Variants in RCHY1 observed in about 807,000 individuals in gnomAD.
RCHY1 encodes the protein ring finger and CHY zinc finger domain containing 1, also known as RING finger and CHY zinc finger domain-containing protein 1.
A neutral mutation model predicts 41.6 loss-of-function variants in RCHY1; 21 were observed. The ratio of observed to expected loss-of-function variants is 0.51; its 90% confidence interval spans 0.36 to 0.73. The LOEUF (loss-of-function observed/expected upper bound fraction) is 0.73, where lower values mean the gene tolerates loss of function less well. Among genes scored for constraint, RCHY1 ranks in the 30% least tolerant of loss-of-function variants. The pLI, the probability that RCHY1 is intolerant of heterozygous loss-of-function variation, is 0.00. For synonymous variants in RCHY1, 79 were observed against 102.9 expected, an observed-to-expected ratio of 0.77 and a Z score of 1.41; for missense variants, 265 against 325.3, an observed-to-expected ratio of 0.81 and a Z score of 1.43.
At chr4:75,494,946 T>C (rs2148735629) in intron 3 of RCHY1, among the ~76,000 whole-genome samples, 1 of 152,084 alleles carries the variant, frequency 6.6e-6, no homozygotes, top group African/African-American at 2.4e-5. Flanking sequence ...ACTACTTGGA[T>C]TTCTCTGTGG....
chr4:75,511,111 T>C (rs1461218001), intron 1 of RCHY1, among the ~76,000 whole-genome samples: 1 of 152,232 alleles, frequency 6.6e-6, no homozygotes, highest in Non-Finnish European at 1.5e-5. Context: ...CATTAAAATC[T>C]ATTGCTCTAT....
intron 3 of RCHY1, among the ~76,000 whole-genome samples, chr4:75,501,097 G>A (rs777724401): frequency 3.9e-5 from 6 of 152,010 alleles, no homozygotes; most frequent in Non-Finnish European, 7.4e-5. Context: ...GCAACCTCCC[G>A]CCCACGGGTT....
In RCHY1 at chr4:75,512,303, G is replaced by A. The variant is rs940810462; in HGVS notation, c.90+1894C>T. Among the ~76,000 whole-genome samples, 5 of 152,158 alleles carry A rather than the reference G, an allele frequency of 3.3e-5. No homozygotes were observed. In the East Asian group the frequency reaches 9.6e-4, roughly 29 times the overall value. ...TCTTCCTCCTTAACACTCTGCTGATGACCTTATTTCACTATAAAAACAGTA... is the reference window on the plus strand; with the variant it reads ...TCTTCCTCCTTAACACTCTGCTGATAACCTTATTTCACTATAAAAACAGTA... On this transcript the variant is annotated intron_variant, in intron 1 of 8. Coordinates refer to ENST00000324439, the MANE Select transcript of RCHY1 (RefSeq NM_015436.4).
In RCHY1 at chr4:75,512,187, C is replaced by T. The variant is rs1024672563; in HGVS notation, c.90+2010G>A. ...GGTGGACACTTACTACCACGTTTCC[C>T]TGGTCAATTCTCTCATTCTTCCAGA... On this transcript the variant is annotated intron_variant, in intron 1 of 8. Coordinates refer to ENST00000324439, the MANE Select transcript of RCHY1 (RefSeq NM_015436.4). 4.6e-5 allele frequency among the ~76,000 whole-genome samples: 7 copies of T among 152,192 alleles called. No individual in the cohort carries two copies. In the South Asian group the frequency reaches 6.2e-4, roughly 14 times the overall value.
chr4:75,490,739 C>G, intron 7 of RCHY1, 38 bp from the exon 8 acceptor site: 1 of 1,526,398 alleles, frequency 6.6e-7, no homozygotes, highest in East Asian at 2.3e-5. Flanking sequence ...AAATATTAAA[C>G]AAGAATATAT....
rs554269301 is a variant in RCHY1 at position 75,512,707 on chromosome 4, A to G, written c.90+1490T>C. Reference sequence around the variant, plus strand: ...GAATACCCTATAAGTGCTATTTTCAATTCCACTCCTCCCATTCTTTCCTAA... The same window carrying G: ...GAATACCCTATAAGTGCTATTTTCAGTTCCACTCCTCCCATTCTTTCCTAA... On this transcript the variant is annotated intron_variant, in intron 1 of 8. Coordinates refer to ENST00000324439, the MANE Select transcript of RCHY1 (RefSeq NM_015436.4). Among the ~76,000 whole-genome samples, 3 of 152,108 alleles carry G rather than the reference A, an allele frequency of 2.0e-5. No homozygotes were observed. In the East Asian group the frequency reaches 5.8e-4, roughly 29 times the overall value.
chr4:75,499,429 T>A (rs189285671), intron 3 of RCHY1, among the ~76,000 whole-genome samples: 324 of 152,164 alleles, frequency 2.1e-3, no homozygotes, highest in Admixed American at 5.2e-3. Context: ...TAAAAGTACA[T>A]ATCTAAGGGG....
rs1176259106 is a variant in RCHY1, at chr4:75,481,965, G to A, written c.*573C>T. On this transcript the variant is annotated 3_prime_UTR_variant, in exon 9 of 9. Coordinates refer to ENST00000324439, the MANE Select transcript of RCHY1 (RefSeq NM_015436.4). ...TAGAACTGATGATACTGCCCTAATTGAGCCAAACATAGAAAACTTTGGAAA... is the reference window on the plus strand; with the variant it reads ...TAGAACTGATGATACTGCCCTAATTAAGCCAAACATAGAAAACTTTGGAAA... 1.3e-5 allele frequency: 2 copies of A among 150,368 alleles called. No homozygotes were observed. The highest frequency in any genetic ancestry group is 3.0e-5 in the Non-Finnish European group (2 of 67,782). The allele number at this position is 150,368 out of a possible 1,614,324, so 9.3% of individuals were successfully genotyped here.
intron 3 of RCHY1, among the ~76,000 whole-genome samples, chr4:75,502,294 A>T (rs1311610031): frequency 2.0e-5 from 3 of 152,184 alleles, no homozygotes; most frequent in Non-Finnish European, 2.9e-5. Context: ...TAATCCCAGC[A>T]CTTTGGGAGG....
At chr4:75,495,098 T>A (rs1723077128) in intron 3 of RCHY1, among the ~76,000 whole-genome samples, 2 of 151,994 alleles carry the variant, frequency 1.3e-5, no homozygotes, top group Non-Finnish European at 2.9e-5. Context: ...TATTTATATA[T>A]CACCAATATC....
At chr4:75,510,620 A>C (rs1484189350) in intron 1 of RCHY1, among the ~76,000 whole-genome samples, 1 of 152,192 alleles carries the variant, frequency 6.6e-6, no homozygotes, top group East Asian at 1.9e-4. Context: ...GTTATACCGC[A>C]GAACAGTAGT....
chr4:75,488,045 G>A (rs1236291596), intron 8 of RCHY1, among the ~76,000 whole-genome samples: 2 of 148,866 alleles, frequency 1.3e-5, no homozygotes, highest in African/African-American at 5.0e-5. Context: ...AAGGGCCCCT[G>A]CGGTATTCAA....
At chr4:75,506,101 AG>A (rs1248784001) in intron 3 of RCHY1, among the ~76,000 whole-genome samples, 1 of 117,682 alleles carries the variant, frequency 8.5e-6, no homozygotes, top group African/African-American at 3.4e-5. Context: ...GAATAAAGGG[AG>A]GAAAAAAAAA....
At chr4:75,505,828 C>A (rs748552864) in intron 3 of RCHY1, among the ~76,000 whole-genome samples, 1 of 152,070 alleles carries the variant, frequency 6.6e-6, no homozygotes, top group African/African-American at 2.4e-5. Context: ...AGAGAGAAAG[C>A]AAATATACTG....
chr4:75,487,632 T>TATATATATTCATATATATTCATA (rs1722245671), intron 8 of RCHY1, among the ~76,000 whole-genome samples: 1 of 14,144 alleles, frequency 7.1e-5, no homozygotes, highest in African/African-American at 3.6e-4. Flanking sequence ...ATATTCATAA[T>TATATATATTCATATATATTCATA]ATATATATTC....
At chr4:75,498,543 A>G (rs1249374928) in intron 3 of RCHY1, among the ~76,000 whole-genome samples, 1 of 152,040 alleles carries the variant, frequency 6.6e-6, no homozygotes, top group Non-Finnish European at 1.5e-5. Context: ...AAAATATACT[A>G]CAAAGCTATT....
chr4:75,487,923 C>A (rs1722390442), intron 8 of RCHY1, among the ~76,000 whole-genome samples: 2 of 130,418 alleles, frequency 1.5e-5, no homozygotes, highest in Admixed American at 8.6e-5. Flanking sequence ...AAATGTGATC[C>A]TATTTTGGTC....
At chr4:75,497,316 G>A (rs753908519) in intron 3 of RCHY1, among the ~76,000 whole-genome samples, 2 of 152,098 alleles carry the variant, frequency 1.3e-5, no homozygotes, top group African/African-American at 4.8e-5. Flanking sequence ...AACCTAACTG[G>A]ATGTGTTTAC....
intron 7 of RCHY1, 43 bp downstream of exon 7, chr4:75,491,568 A>T (rs1194125849): frequency 1.9e-6 from 3 of 1,570,100 alleles, no homozygotes; most frequent in East Asian, 2.2e-5. Context: ...CACACAAAAA[A>T]GTCAAACATC....
Sources: allele counts gnomAD v4.1 joint callset (sites outside exome capture counted in the v4.1 genomes callset), GRCh38; gene constraint gnomAD v4.1.1; transcripts MANE v1.5; gene names NCBI Gene and HGNC (gene_info 2026-07-23, HGNC 2026-07-21).